Variants in PIGK observed in about 807,000 individuals in gnomAD.
The protein encoded by PIGK is GPI-anchor transamidase.
In PIGK, 42 loss-of-function variants were observed where a neutral mutation model predicts 50.6. The ratio of observed to expected loss-of-function variants is 0.83; its 90% CI spans 0.65 to 1.07. The LOEUF is 1.07. Among genes scored for constraint, PIGK ranks in the 50% least tolerant of loss-of-function variants. The pLI, the probability that PIGK is intolerant of heterozygous loss-of-function variation, is 0.00. For synonymous variants in PIGK, 151 were observed against 156.0 expected (o/e 0.97, Z 0.24); for missense variants, 448 against 488.7 (o/e 0.92, Z 0.78).
chr1:77,143,729 A>G (rs1654708318), intron 9 of PIGK, among the ~76,000 whole-genome samples: 1 of 152,150 alleles, frequency 6.6e-6, no homozygotes, highest in African/African-American at 2.4e-5. Flanking sequence ...TTCTGGTACA[A>G]CACAATTTCC....
At chr1:77,124,223 T>C (rs1286585120) in intron 9 of PIGK, among the ~76,000 whole-genome samples, 2 of 152,070 alleles carry the variant, frequency 1.3e-5, no homozygotes, top group African/African-American at 2.4e-5. Flanking sequence ...AAAAATAAAC[T>C]AAAGTAAATA....
intron 3 of PIGK, among the ~76,000 whole-genome samples, chr1:77,204,580 G>C (rs1009993633): frequency 6.6e-6 from 1 of 152,058 alleles, no homozygotes; most frequent in Admixed American, 6.6e-5. Flanking sequence ...TTGCGGCTCA[G>C]GGGGAATCAT....
intron 9 of PIGK, among the ~76,000 whole-genome samples, chr1:77,133,592 G>A (rs1233412692): frequency 6.6e-6 from 1 of 152,178 alleles, no homozygotes; most frequent in African/African-American, 2.4e-5. Context: ...TATATACAGT[G>A]TTATTTTCCA....
chr1:77,207,747 A>G (rs1570264670), intron 2 of PIGK, among the ~76,000 whole-genome samples: 1 of 152,158 alleles, frequency 6.6e-6, no homozygotes, highest in Admixed American at 6.5e-5. Flanking sequence ...CTTCTATCAC[A>G]TGCCTGTGCC....
chr1:77,181,141 A>C (rs952671619), intron 3 of PIGK, among the ~76,000 whole-genome samples: 2 of 152,128 alleles, frequency 1.3e-5, no homozygotes, highest in Non-Finnish European at 2.9e-5. Context: ...CAATCTGATA[A>C]ACATATATGA....
chr1:77,202,520 C>A (rs1224268975), intron 3 of PIGK, among the ~76,000 whole-genome samples: 1 of 152,088 alleles, frequency 6.6e-6, no homozygotes, highest in Non-Finnish European at 1.5e-5. Flanking sequence ...GCGTAAGAGA[C>A]TGAAACTGAA....
chr1:77,210,407 A>T, intron 2 of PIGK, 29 bp downstream of exon 2: 1 of 1,431,014 alleles, frequency 7.0e-7, no homozygotes, highest in South Asian at 1.3e-5. Context: ...TAATGTGAAC[A>T]GCAAGGTATA....
rs374505273 is a variant in PIGK at position 77,171,310 on chromosome 1, G to A, written c.240-1915C>T. ...AAATTAGCCGGGCATGGTGGCAGGCGCCTGTAGTCCCAGCTACTCCAGAGG... is the reference window on the plus strand; with the variant it reads ...AAATTAGCCGGGCATGGTGGCAGGCACCTGTAGTCCCAGCTACTCCAGAGG... On this transcript the variant is annotated intron_variant, in intron 3 of 10. Coordinates refer to ENST00000370812, the MANE Select transcript of PIGK (RefSeq NM_005482.3). Among the ~76,000 whole-genome samples, 588 of 151,100 alleles carry A rather than the reference G, an allele frequency of 3.9e-3. 5 individuals are homozygous for A. Among genetic ancestry groups the A allele is most frequent in the African/African-American group, 0.013 (556 of 41,306 alleles).
At chr1:77,104,547 G>C (rs1029558875) in intron 10 of PIGK, among the ~76,000 whole-genome samples, 3 of 152,064 alleles carry the variant, frequency 2.0e-5, no homozygotes, top group Non-Finnish European at 2.9e-5. Context: ...AAAAAGGGCA[G>C]GGAAAAAAAT....
rs560923607 is a variant in PIGK, at chr1:77,151,998, T to A, written c.986+2451A>T. 2.0e-5 allele frequency among the ~76,000 whole-genome samples: 3 copies of A among 151,990 alleles called. No individual in the cohort carries two copies. In the East Asian group the frequency reaches 5.8e-4, roughly 29 times the overall value. Reference sequence around the variant, plus strand: ...GGCACTTTTCATATAAATAGAAAAATCAACCCTAAAATTTCTATGGAACCA... The same window carrying A: ...GGCACTTTTCATATAAATAGAAAAAACAACCCTAAAATTTCTATGGAACCA... On this transcript the variant is annotated intron_variant, in intron 9 of 10. Transcript: ENST00000370812.
chr1:77,171,174 C>G (rs913448623), intron 3 of PIGK, among the ~76,000 whole-genome samples: 1 of 151,984 alleles, frequency 6.6e-6, no homozygotes, highest in African/African-American at 2.4e-5. Flanking sequence ...CAGTGGCTCA[C>G]GCCTGTAATC....
At chr1:77,186,908 T>C (rs1655761384) in intron 3 of PIGK, among the ~76,000 whole-genome samples, 1 of 152,192 alleles carries the variant, frequency 6.6e-6, no homozygotes, top group Non-Finnish European at 1.5e-5. Context: ...ATATTGAACC[T>C]CTTCCATCAC....
Position 77,089,603 on chromosome 1 carries a change from CAGTA to C in PIGK, c.*2767_*2770del, listed in dbSNP as rs1280334421. 3 of 152,546 alleles carry C rather than the reference CAGTA, an allele frequency of 2.0e-5. No individual in the cohort carries two copies. Among genetic ancestry groups the C allele is most frequent in the Non-Finnish European group, 2.9e-5 (2 of 68,012 alleles). The allele number at this position is 152,546 out of a possible 1,614,324, so 9.4% of individuals were successfully genotyped here. A position where few individuals can be genotyped will look rare whatever the true frequency, so the allele number is the denominator to read the frequency against. ...AATATATACCATAGTAGAAAATACT[CAGTA>C]AGCAGAAACAAGCTGAGTTATGCTT... On this transcript the variant is annotated 3_prime_UTR_variant, in exon 11 of 11. Coordinates refer to ENST00000370812, the MANE Select transcript of PIGK (RefSeq NM_005482.3).
At chr1:77,186,845 A>G (rs1570249687) in intron 3 of PIGK, among the ~76,000 whole-genome samples, 1 of 152,160 alleles carries the variant, frequency 6.6e-6, no homozygotes, top group East Asian at 1.9e-4. Flanking sequence ...TGACCCCTCA[A>G]TATGGCACCA....
chr1:77,092,821 T>C (rs1348357690), intron 10 of PIGK, among the ~76,000 whole-genome samples: 1 of 152,146 alleles, frequency 6.6e-6, no homozygotes, highest in Non-Finnish European at 1.5e-5. Flanking sequence ...TATATATTCA[T>C]TAATTTGTCG....
chr1:77,104,207 A>T (rs1653614181), intron 10 of PIGK, among the ~76,000 whole-genome samples: 1 of 152,134 alleles, frequency 6.6e-6, no homozygotes, highest in Non-Finnish European at 1.5e-5. Flanking sequence ...TTAAAAATCC[A>T]GGCATGCAAA....
rs1235371257 is a variant in PIGK, at chr1:77,210,483, C to T, written c.100G>A (p.Ala34Thr). 9 of 1,587,952 alleles carry T rather than the reference C, an allele frequency of 5.7e-6. No homozygotes were observed. Among genetic ancestry groups the T allele is most frequent in the African/African-American group, 4.0e-5 (3 of 74,418 alleles). Reference sequence around the variant, plus strand: ...TGGCCACTTCTAAAGAATTGTTCTGCTTGATCCTAAATAAAGCAAAACAAA... The same window carrying T: ...TGGCCACTTCTAAAGAATTGTTCTGTTTGATCCTAAATAAAGCAAAACAAA... ...SVAASHIEDQ[A>T]EQFFRSGHTN... The change falls in exon 2 of 11, where the codon GCA (alanine) becomes ACA (threonine). Residue 34 changes from alanine to threonine, a missense_variant. Coordinates refer to ENST00000370812, the MANE Select transcript of PIGK (RefSeq NM_005482.3).
intron 9 of PIGK, among the ~76,000 whole-genome samples, chr1:77,148,473 C>T (rs928897385): frequency 2.6e-5 from 4 of 152,102 alleles, no homozygotes; most frequent in Non-Finnish European, 4.4e-5. Context: ...CAACAATCTT[C>T]GGCAATGACA....
At chr1:77,116,992 T>C (rs1314948895) in intron 10 of PIGK, among the ~76,000 whole-genome samples, 2 of 152,242 alleles carry the variant, frequency 1.3e-5, no homozygotes, top group Non-Finnish European at 1.5e-5. Context: ...CTAAATCTAC[T>C]CAACTTTAAA....
Sources: gnomAD v4.1 joint callset for allele counts (sites outside exome capture counted in the v4.1 genomes callset) on GRCh38, gnomAD v4.1.1 for gene constraint, MANE v1.5 for transcripts, NCBI Gene and HGNC (gene_info 2026-07-23, HGNC 2026-07-21) for gene names.